CSMD1: variants seen among roughly 807,000 people sequenced by gnomAD.
The protein encoded by CSMD1 is CUB and Sushi multiple domains 1, also known as CUB and sushi domain-containing protein 1.
Under a neutral mutation model 417.5 loss-of-function variants are expected in CSMD1, and 213 were observed. The observed-to-expected ratio is 0.51, with a 90% confidence interval of 0.46 to 0.57. The LOEUF (loss-of-function observed/expected upper bound fraction) is 0.57, where lower values mean the gene tolerates loss of function less well. Among genes scored for constraint, CSMD1 ranks in the 20% least tolerant of loss-of-function variants. CSMD1 has a pLI of 0.00. For synonymous variants in CSMD1, 2,862 were observed against 1,736.8 expected (o/e 1.65, Z -16.11); for missense variants, 6,923 against 4,529.7 (o/e 1.53, Z -15.17).
rs1029248925 is a variant in CSMD1, at chr8:3,188,809, T to A, written c.5523+78A>T. 4 of 1,256,614 alleles carry A rather than the reference T, an allele frequency of 3.2e-6. No individual in the cohort carries two copies. The South Asian group carries it at 9.7e-5, about 31-fold the overall frequency. 77.8% of individuals were successfully genotyped at this position (1,256,614 alleles called of 1,614,324 possible). A position where few individuals can be genotyped will look rare whatever the true frequency, so the allele number is the denominator to read the frequency against. On this transcript the variant is annotated intron_variant, in intron 35 of 69. Coordinates refer to ENST00000635120, the MANE Select transcript of CSMD1 (RefSeq NM_033225.6). ...AGAGAGAGAGAGATGGAAAGAAACA[T>A]AGAACAAAAGAATGAAAGAAAGAAG...
intron 5 of CSMD1, among the ~76,000 whole-genome samples, chr8:3,903,515 C>A (rs1410927260): frequency 6.6e-6 from 1 of 152,164 alleles, no homozygotes; most frequent in Non-Finnish European, 1.5e-5. Context: ...TTCTCATATA[C>A]AGATACAGTA....
chr8:4,010,417 G>C (rs972250464), intron 4 of CSMD1, among the ~76,000 whole-genome samples: 1 of 151,974 alleles, frequency 6.6e-6, no homozygotes, highest in East Asian at 1.9e-4. Context: ...ACAAATTCTC[G>C]GTCATTTCAA....
intron 42 of CSMD1, among the ~76,000 whole-genome samples, chr8:3,111,251 T>C (rs1585377624): frequency 6.6e-6 from 1 of 152,166 alleles, no homozygotes; most frequent in Admixed American, 6.5e-5. Flanking sequence ...AATGAGAATA[T>C]ACCATGAGGC....
intron 3 of CSMD1, among the ~76,000 whole-genome samples, chr8:4,224,519 C>T (rs1241293253): frequency 2.0e-5 from 3 of 152,126 alleles, no homozygotes; most frequent in Non-Finnish European, 2.9e-5. Flanking sequence ...ATGCCCTCTT[C>T]GCCTAAGTTA....
intron 25 of CSMD1, among the ~76,000 whole-genome samples, chr8:3,297,422 A>T (rs1487845141): frequency 7.9e-5 from 12 of 152,244 alleles, no homozygotes; most frequent in Admixed American, 5.9e-4. Context: ...ATCAAGATGT[A>T]TTATAAAGTA....
intron 37 of CSMD1, among the ~76,000 whole-genome samples, chr8:3,168,937 CA>C (rs1386195527): frequency 6.6e-6 from 1 of 151,010 alleles, no homozygotes; most frequent in Non-Finnish European, 1.5e-5. Flanking sequence ...CTCTCTCTCT[CA>C]GGGGCTCACA....
At chr8:4,287,829 T>C (rs1292908734) in intron 3 of CSMD1, among the ~76,000 whole-genome samples, 2 of 152,010 alleles carry the variant, frequency 1.3e-5, no homozygotes, top group East Asian at 1.9e-4. Flanking sequence ...ACTGAATGCA[T>C]TTAGTGGGAG....
At chr8:3,821,404 C>T (rs543195905) in intron 5 of CSMD1, among the ~76,000 whole-genome samples, 3 of 152,184 alleles carry the variant, frequency 2.0e-5, no homozygotes, top group Admixed American at 1.3e-4. Context: ...ACCACACACA[C>T]GCGCATGTGG....
chr8:4,761,213 G>T (rs1812019724), intron 1 of CSMD1, among the ~76,000 whole-genome samples: 1 of 152,132 alleles, frequency 6.6e-6, no homozygotes, highest in African/African-American at 2.4e-5. Flanking sequence ...TACCAGAGTA[G>T]CCAGGAGGTC....
At chr8:4,944,088 G>C (rs565991075) in intron 1 of CSMD1, among the ~76,000 whole-genome samples, 2 of 152,294 alleles carry the variant, frequency 1.3e-5, no homozygotes, top group South Asian at 4.1e-4. Context: ...AGGAAGTTTG[G>C]AGTAGAAGGA....
chr8:3,722,035 G>C (rs879666442), intron 6 of CSMD1, among the ~76,000 whole-genome samples: 2 of 152,136 alleles, frequency 1.3e-5, no homozygotes, highest in Non-Finnish European at 2.9e-5. Flanking sequence ...TGTACAAGTA[G>C]AGATGTGTCA....
chr8:4,880,733 A>G (rs1399730022), intron 1 of CSMD1, among the ~76,000 whole-genome samples: 1 of 151,500 alleles, frequency 6.6e-6, no homozygotes, highest in Admixed American at 6.6e-5. Flanking sequence ...CGTGTCCATG[A>G]TAAGATGAGT....
intron 3 of CSMD1, among the ~76,000 whole-genome samples, chr8:4,309,754 A>G (rs1240731376): frequency 6.6e-6 from 1 of 152,152 alleles, no homozygotes; most frequent in African/African-American, 2.4e-5. Flanking sequence ...GTCTATTGAT[A>G]TTAACGTTTT....
chr8:3,090,146 C>G (rs922017892), intron 48 of CSMD1, among the ~76,000 whole-genome samples: 3 of 151,660 alleles, frequency 2.0e-5, no homozygotes, highest in African/African-American at 4.8e-5. Context: ...AACCCCGACT[C>G]TACTAAAAAA....
At chr8:3,853,695 T>A (rs1368650130) in intron 5 of CSMD1, among the ~76,000 whole-genome samples, 1 of 151,870 alleles carries the variant, frequency 6.6e-6, no homozygotes, top group African/African-American at 2.4e-5. Context: ...TGCAGTTGGA[T>A]AAGCCTCAGT....
chr8:4,739,992 G>C (rs902535322), intron 1 of CSMD1, among the ~76,000 whole-genome samples: 26 of 152,244 alleles, frequency 1.7e-4, no homozygotes, highest in African/African-American at 5.8e-4. Context: ...CGCCTGCCCA[G>C]GCATCTTCCT....
intron 4 of CSMD1, among the ~76,000 whole-genome samples, chr8:4,006,598 T>C (rs1816135648): frequency 6.6e-6 from 1 of 152,180 alleles, no homozygotes; most frequent in Non-Finnish European, 1.5e-5. Flanking sequence ...GTTTTATTTA[T>C]AATTGATCCT....
intron 2 of CSMD1, among the ~76,000 whole-genome samples, chr8:4,471,910 A>G (rs1800558220): frequency 6.6e-6 from 1 of 152,156 alleles, no homozygotes; most frequent in African/African-American, 2.4e-5. Context: ...GGTGTTTCCA[A>G]TGATTAGGAA....
At chr8:4,953,145 A>T (rs549179344) in intron 1 of CSMD1, among the ~76,000 whole-genome samples, 1 of 152,202 alleles carries the variant, frequency 6.6e-6, no homozygotes. Context: ...ACTGAATTTA[A>T]TTCTCAAGGT....
Sources: gnomAD v4.1 joint callset for allele counts (sites outside exome capture counted in the v4.1 genomes callset) on GRCh38, gnomAD v4.1.1 for gene constraint, MANE v1.5 for transcripts, NCBI Gene and HGNC (gene_info 2026-07-23, HGNC 2026-07-21) for gene names.